The following RUFY2 variants were observed in gnomAD, a reference collection of about 807,000 sequenced individuals.
The protein encoded by RUFY2 is RUN and FYVE domain containing 2, also known as RUN and FYVE domain-containing protein 2.
A neutral mutation model predicts 94.4 loss-of-function variants in RUFY2; 49 were observed. That is an observed-to-expected ratio of 0.52 (90% CI 0.41 to 0.66). The LOEUF is 0.66. Ranked by LOEUF, RUFY2 falls within the 30% of genes least tolerant of loss-of-function variation. The pLI is 0.00. For missense variants in RUFY2, 541 were observed against 692.8 expected (o/e 0.78, Z 2.46); for synonymous variants, 255 against 235.7 (o/e 1.08, Z -0.75).
chr10:68,381,396 C>T lies in RUFY2; in HGVS notation c.943G>A (p.Val315Ile), dbSNP rs752376902. Residue 315 changes from valine to isoleucine, a missense_variant, in exon 11 of 18, where the codon GTA becomes ATA. Around this residue, in one of 3 missense-constraint regions of RUFY2, gnomAD observed 403 missense variants for 480.7 expected, o/e 0.84. Transcript: ENST00000602465. ...ACTTGTACTGCTAGCTCATTCTCTACATCCTGCAATTTCAATGTATCCTCA... is the reference window on the plus strand; with the variant it reads ...ACTTGTACTGCTAGCTCATTCTCTATATCCTGCAATTTCAATGTATCCTCA... ...LRDESQLRQD[V>I]ENELAVQVSM... 3.1e-6 allele frequency: 5 copies of T among 1,607,046 alleles called. No homozygotes were observed. In the South Asian group the frequency reaches 3.4e-5, roughly 11 times the overall value.
intron 13 of RUFY2, among the ~76,000 whole-genome samples, chr10:68,364,458 G>A (rs751029384): frequency 1.8e-4 from 28 of 152,166 alleles, no homozygotes; most frequent in Non-Finnish European, 3.2e-4. Flanking sequence ...GAACTAAGAG[G>A]AGGAATGTAA....
At chr10:68,356,188 C>T (rs1438164249) in intron 15 of RUFY2, among the ~76,000 whole-genome samples, 1 of 151,874 alleles carries the variant, frequency 6.6e-6, no homozygotes, top group African/African-American at 2.4e-5. Context: ...ATTTCTCTAG[C>T]AAATACAGAA....
At chr10:68,377,534 G>C (rs1387375345) in intron 12 of RUFY2, 7 of 984,112 alleles carry the variant, frequency 7.1e-6, no homozygotes, top group Non-Finnish European at 8.4e-6. Context: ...GTGTGTGCAC[G>C]TGTGCATATA....
chr10:68,370,476 G>A (rs1346635797), intron 13 of RUFY2, among the ~76,000 whole-genome samples: 1 of 135,718 alleles, frequency 7.4e-6, no homozygotes, highest in Non-Finnish European at 1.5e-5. Context: ...TTGAGACAGA[G>A]TCTTGCTGAA....
chr10:68,362,429 T>G (rs1332583180), intron 15 of RUFY2, among the ~76,000 whole-genome samples: 4 of 152,188 alleles, frequency 2.6e-5, no homozygotes, highest in Non-Finnish European at 4.4e-5. Flanking sequence ...TTGAGCTTAT[T>G]CCAAATATCT....
At chr10:68,366,761 A>ATATATATATATATAT (rs1564801460) in intron 13 of RUFY2, among the ~76,000 whole-genome samples, 10 of 120,710 alleles carry the variant, frequency 8.3e-5, no homozygotes, top group African/African-American at 2.9e-4. Flanking sequence ...TATATATATA[A>ATATATATATATATAT]TATTAAATAT....
chr10:68,367,690 CCTG>C (rs1018917595), intron 13 of RUFY2, among the ~76,000 whole-genome samples: 2 of 150,796 alleles, frequency 1.3e-5, no homozygotes, highest in South Asian at 2.1e-4. Flanking sequence ...TCCCTCCCTC[CCTG>C]CTTTTTCTTT....
At chr10:68,382,607 G>A (rs889227043) in intron 10 of RUFY2, among the ~76,000 whole-genome samples, 5 of 150,930 alleles carry the variant, frequency 3.3e-5, no homozygotes, top group East Asian at 2.0e-4. Flanking sequence ...CCAGCTACTC[G>A]GGAGGCTGAG....
At chr10:68,367,394 G>C (rs916722050) in intron 13 of RUFY2, among the ~76,000 whole-genome samples, 2 of 152,102 alleles carry the variant, frequency 1.3e-5, no homozygotes, top group Non-Finnish European at 2.9e-5. Flanking sequence ...TGACTTAAAT[G>C]CTCCTTGTAA....
intron 7 of RUFY2, among the ~76,000 whole-genome samples, chr10:68,392,926 CAAAAAA>C (rs11432211): frequency 5.1e-5 from 4 of 78,560 alleles, no homozygotes; most frequent in African/African-American, 1.7e-4. Flanking sequence ...GACTTCATCT[CAAAAAA>C]AAAAAAAAAA....
rs554699591 is a variant in RUFY2 at position 68,389,714 on chromosome 10, A to G, written c.650+3424T>C. 1.2e-4 allele frequency among the ~76,000 whole-genome samples: 18 copies of G among 152,300 alleles called. No individual in the cohort carries two copies. In the South Asian group the frequency reaches 3.7e-3, roughly 32 times the overall value. On this transcript the variant is annotated intron_variant, in intron 7 of 17. Coordinates refer to ENST00000602465, the MANE Select transcript of RUFY2 (RefSeq NM_001330103.2). Reference sequence around the variant, plus strand: ...GAGGCCCAGGCGGGTGGATTGCTTAAGCCCAGTAGGTGGAGGTTGCAGTGA... The same window carrying G: ...GAGGCCCAGGCGGGTGGATTGCTTAGGCCCAGTAGGTGGAGGTTGCAGTGA...
chr10:68,374,378 T>C (rs2048480211), intron 13 of RUFY2, among the ~76,000 whole-genome samples: 1 of 151,800 alleles, frequency 6.6e-6, no homozygotes. Flanking sequence ...TATATTAATA[T>C]CAGAAAAATT....
At chr10:68,348,350 A>T (rs551602807) in intron 16 of RUFY2, among the ~76,000 whole-genome samples, 20 of 152,008 alleles carry the variant, frequency 1.3e-4, no homozygotes, top group South Asian at 6.2e-4. Flanking sequence ...TACAAAAAAA[A>T]ATATAAATGA....
intron 9 of RUFY2, 65 bp from the exon 10 acceptor site, chr10:68,383,979 C>A: frequency 1.3e-6 from 2 of 1,577,970 alleles, no homozygotes; most frequent in Admixed American, 3.4e-5. Context: ...GAAATACCTA[C>A]TTCATCCAAA....
rs941542037 is a variant in RUFY2, at chr10:68,407,267, C to T, written c.-78G>A. On this transcript the variant is annotated 5_prime_UTR_variant, in exon 1 of 18. It adds an upstream start codon to the 5' untranslated region. Transcript: ENST00000602465. ...GCTCCTTCCAGGCGCTCGGCGGCCA[C>T]CACCGCATCTGCAGCCAGGCCCGCT... 3.3e-6 allele frequency: 4 copies of T among 1,220,202 alleles called. No homozygotes were observed. The highest frequency in any genetic ancestry group is 1.6e-5 in the African/African-American group (1 of 63,182). The allele number at this position is 1,220,202 out of a possible 1,614,324, so 75.6% of individuals were successfully genotyped here.
At chr10:68,348,427 G>A (rs2046430520) in intron 16 of RUFY2, among the ~76,000 whole-genome samples, 1 of 151,596 alleles carries the variant, frequency 6.6e-6, no homozygotes, top group African/African-American at 2.4e-5. Flanking sequence ...TGAGGTGGGA[G>A]GATTGCTTAA....
intron 15 of RUFY2, among the ~76,000 whole-genome samples, chr10:68,360,589 CA>C (rs899028528): frequency 1.3e-5 from 2 of 150,836 alleles, no homozygotes; most frequent in African/African-American, 2.4e-5. Context: ...TACCAAAATA[CA>C]AAAAAAAATT....
At chr10:68,357,315 G>A (rs956538313) in intron 15 of RUFY2, among the ~76,000 whole-genome samples, 6 of 149,106 alleles carry the variant, frequency 4.0e-5, no homozygotes, top group East Asian at 2.0e-4. Context: ...TGCAACCTCC[G>A]CCCCCAAGGT....
chr10:68,369,596 C>T (rs1022954843), intron 13 of RUFY2, among the ~76,000 whole-genome samples: 20 of 151,706 alleles, frequency 1.3e-4, no homozygotes, highest in Admixed American at 9.2e-4. Context: ...AATGGACTAA[C>T]AGGTTATCAC....
Sources: gnomAD v4.1 joint callset for allele counts (sites outside exome capture counted in the v4.1 genomes callset) on GRCh38, gnomAD v4.1.1 for gene constraint, gnomAD v4.1.1 regional missense constraint, MANE v1.5 for transcripts, NCBI Gene and HGNC (gene_info 2026-07-23, HGNC 2026-07-21) for gene names.